TMEM18: variants seen among roughly 807,000 people sequenced by gnomAD.
The protein encoded by TMEM18 is transmembrane protein 18.
Under a neutral mutation model 17.4 loss-of-function variants are expected in TMEM18, and 14 were observed. The ratio of observed to expected loss-of-function variants is 0.80; its 90% CI spans 0.53 to 1.25. TMEM18 has a LOEUF of 1.25. Among genes scored for constraint, TMEM18 ranks in the 50% most tolerant of loss-of-function variants. The probability of loss-of-function intolerance (pLI) is 0.00; values close to 1 mark genes in which losing one functional copy is unlikely to be tolerated. For missense variants in TMEM18, 187 were observed against 172.1 expected, an observed-to-expected ratio of 1.09 and a Z score of -0.48; for synonymous variants, 86 against 66.1, an observed-to-expected ratio of 1.30 and a Z score of -1.46.
At chr2:674,636 G>C (rs1678947352) in intron 2 of TMEM18, among the ~76,000 whole-genome samples, 1 of 152,234 alleles carries the variant, frequency 6.6e-6, no homozygotes, top group Admixed American at 6.5e-5. Flanking sequence ...CCCCCACTGT[G>C]ATGCAAACCC....
rs1244666244 is a variant in TMEM18 at position 669,226 on chromosome 2, T to C, written c.*354A>G. 115 of 203,362 alleles carry C rather than the reference T, an allele frequency of 5.7e-4. No individual in the cohort carries two copies. The highest frequency in any genetic ancestry group is 1.9e-4 in the Non-Finnish European group (19 of 100,988). 12.6% of individuals were successfully genotyped at this position (203,362 alleles called of 1,614,324 possible). ...GTGCCCATGTACAGGTGGCACTGTT[T>C]ATTATTGAGTTTCATATTTTATATT... On this transcript the variant is annotated 3_prime_UTR_variant, in exon 5 of 5. Coordinates refer to ENST00000281017, the MANE Select transcript of TMEM18 (RefSeq NM_152834.4).
intron 1 of TMEM18, chr2:676,577 A>G (rs1396625346): frequency 2.6e-6 from 4 of 1,550,346 alleles, no homozygotes; most frequent in Non-Finnish European, 3.5e-6. Flanking sequence ...CACCCACCAG[A>G]AGACCAGAGG....
chr2:673,764 G>T (rs1277135164), intron 2 of TMEM18, among the ~76,000 whole-genome samples: 5 of 143,466 alleles, frequency 3.5e-5, no homozygotes, highest in African/African-American at 1.3e-4. Context: ...GGGAGGATGG[G>T]GGGGAAGGAG....
intron 3 of TMEM18, among the ~76,000 whole-genome samples, chr2:672,008 CAG>C (rs1350801342): frequency 6.7e-6 from 1 of 150,176 alleles, no homozygotes; most frequent in Non-Finnish European, 1.5e-5. Flanking sequence ...GAGGCCGAGT[CAG>C]GGGAGGGTTC....
chr2:672,719 C>T (rs1678881725), intron 3 of TMEM18, 89 bp downstream of exon 3: 2 of 1,233,504 alleles, frequency 1.6e-6, no homozygotes, highest in East Asian at 5.7e-5. Context: ...TTAGGATTCA[C>T]TGTCTCCTCC....
chr2:675,467 C>T, intron 2 of TMEM18, 43 bp downstream of exon 2: 3 of 1,613,086 alleles, frequency 1.9e-6, no homozygotes, highest in Non-Finnish European at 2.5e-6. Flanking sequence ...AGTTTCATTT[C>T]ACACAGTGAT....
At chr2:677,189 C>T in intron 1 of TMEM18, 100 bp downstream of exon 1, 1 of 1,436,830 alleles carries the variant, frequency 7.0e-7, no homozygotes. Flanking sequence ...CCGCCCACGG[C>T]CGGGGCCTTC....
At chr2:677,203 G>T in intron 1 of TMEM18, 86 bp downstream of exon 1, 1 of 1,513,986 alleles carries the variant, frequency 6.6e-7, no homozygotes, top group Non-Finnish European at 8.9e-7. Flanking sequence ...GGCCTTCTTG[G>T]CCACAGGCCG....
intron 1 of TMEM18, 48 bp downstream of exon 1, chr2:677,241 T>A (rs752534757): frequency 1.9e-6 from 3 of 1,583,516 alleles, no homozygotes; most frequent in South Asian, 1.1e-5. Flanking sequence ...ACCCTACGCC[T>A]CTCCGCCGTC....
rs976593841 is a variant in TMEM18, at chr2:666,975, C to T, written c.*2605G>A. Among the ~76,000 whole-genome samples the T allele has an allele frequency of 5.3e-5, 8 of 151,226 alleles. No homozygotes were observed. Among genetic ancestry groups the T allele is most frequent in the Admixed American group, 3.3e-4 (5 of 15,192 alleles). On this transcript the variant is annotated 3_prime_UTR_variant, in exon 5 of 5. Transcript: ENST00000281017. The stretch of plus-strand genomic sequence containing the variant: ...TCTTTAAGCATCCCACTCAACTTCG[C>T]GCCACTGAAGCTCCTTACCCTGAAT...
rs1305876784 is a variant in TMEM18, at chr2:665,250, A to G, written c.*4330T>C. Among the ~76,000 whole-genome samples the G allele has an allele frequency of 3.3e-5, 5 of 151,918 alleles. No individual in the cohort carries two copies. The highest frequency in any genetic ancestry group is 6.6e-5 in the Admixed American group (1 of 15,258). On this transcript the variant is annotated 3_prime_UTR_variant, in exon 5 of 5. Transcript: ENST00000281017. ...CTCCGATAGAGAATCAACCCCATAT[A>G]CAACAGGATCCAGAGATGCAGACAC...
Position 666,076 on chromosome 2 carries a change from T to C in TMEM18, c.*3504A>G, listed in dbSNP as rs1027602283. Among the ~76,000 whole-genome samples, 2 of 148,558 alleles carry C rather than the reference T, an allele frequency of 1.3e-5. No individual in the cohort carries two copies. Among genetic ancestry groups the C allele is most frequent in the Admixed American group, 6.7e-5 (1 of 15,036 alleles). On this transcript the variant is annotated 3_prime_UTR_variant, in exon 5 of 5. Coordinates refer to ENST00000281017, the MANE Select transcript of TMEM18 (RefSeq NM_152834.4). ...TCAACCCTACACACAACAGGACCCA[T>C]GGAGGCAGATGCCCAGCTCACTCAG...
chr2:675,904 C>G (rs1176700792), intron 1 of TMEM18: 2 of 1,452,828 alleles, frequency 1.4e-6, no homozygotes, highest in Non-Finnish European at 1.8e-6. Flanking sequence ...CTGAAGGCAT[C>G]TCTGATGTGC....
In TMEM18 at chr2:667,276, T is replaced by A. The variant is rs1678718724; in HGVS notation, c.*2304A>T. ...AAGTTCCAGGTGCTCCTGTTTCCAG[T>A]TACAGTAAGGTGCAAAACAAATACC... On this transcript the variant is annotated 3_prime_UTR_variant, in exon 5 of 5. Coordinates refer to ENST00000281017, the MANE Select transcript of TMEM18 (RefSeq NM_152834.4). 6.6e-6 allele frequency: 1 copy of A among 152,006 alleles called. No individual in the cohort carries two copies. The allele number at this position is 152,006 out of a possible 1,614,324, so 9.4% of individuals were successfully genotyped here.
chr2:671,859 C>T (rs1055480186), intron 3 of TMEM18, among the ~76,000 whole-genome samples: 3 of 151,762 alleles, frequency 2.0e-5, no homozygotes, highest in African/African-American at 7.3e-5. Context: ...TGTGAAGGCC[C>T]TGCATCCGGG....
intron 1 of TMEM18, chr2:676,143 A>C: frequency 7.5e-7 from 1 of 1,327,838 alleles, no homozygotes; most frequent in Non-Finnish European, 1.0e-6. Flanking sequence ...CGCCACGTGC[A>C]AGACTTGATT....
intron 2 of TMEM18, among the ~76,000 whole-genome samples, chr2:673,994 A>AGCCAGGGT (rs912271179): frequency 6.6e-6 from 1 of 152,150 alleles, no homozygotes; most frequent in Non-Finnish European, 1.5e-5. Context: ...TGCACCCTGG[A>AGCCAGGGT]GCAGAGTCTG....
intron 1 of TMEM18, chr2:676,187 C>T: frequency 7.4e-7 from 1 of 1,352,418 alleles, no homozygotes; most frequent in Non-Finnish European, 9.8e-7. Context: ...CTGAACTCTC[C>T]AGACAGTGCC....
rs1341535274 is a variant in TMEM18 at position 667,139 on chromosome 2, A to G, written c.*2441T>C. Among the ~76,000 whole-genome samples, 2 of 151,776 alleles carry G rather than the reference A, an allele frequency of 1.3e-5. No homozygotes were observed. Among genetic ancestry groups the G allele is most frequent in the Admixed American group, 1.3e-4 (2 of 15,244 alleles). Reference sequence around the variant, plus strand: ...CATATTGCTTTCTGATTTGATATACATTATCTGTGCAAGTAGACTTTCTTC... The same window carrying G: ...CATATTGCTTTCTGATTTGATATACGTTATCTGTGCAAGTAGACTTTCTTC... On this transcript the variant is annotated 3_prime_UTR_variant, in exon 5 of 5. Coordinates refer to ENST00000281017, the MANE Select transcript of TMEM18 (RefSeq NM_152834.4).
Sources: allele counts gnomAD v4.1 joint callset (sites outside exome capture counted in the v4.1 genomes callset), GRCh38; gene constraint gnomAD v4.1.1; transcripts MANE v1.5; gene names NCBI Gene and HGNC (gene_info 2026-07-23, HGNC 2026-07-21).